STK39: variants seen among roughly 807,000 people sequenced by gnomAD.
STK39 encodes serine/threonine kinase 39, also known as STE20/SPS1-related proline-alanine-rich protein kinase.
Under a neutral mutation model 77.8 loss-of-function variants are expected in STK39, and 20 were observed. The ratio of observed to expected loss-of-function variants is 0.26; its 90% CI spans 0.18 to 0.37. STK39 has a LOEUF of 0.37. Ranked by LOEUF, STK39 falls within the 10% of genes least tolerant of loss-of-function variation. STK39 has a pLI of 1.00. For synonymous variants in STK39, 246 were observed against 234.1 expected, an observed-to-expected ratio of 1.05 and a Z score of -0.47; for missense variants, 479 against 656.5, an observed-to-expected ratio of 0.73 and a Z score of 2.95.
intron 1 of STK39, among the ~76,000 whole-genome samples, chr2:168,223,510 C>CA (rs60067513): frequency 0.24 from 24,165 of 101,996 alleles, 2,695 homozygotes; most frequent in Non-Finnish European, 0.31. Context: ...GACTCCGTCT[C>CA]AAAAAAAAAA....
chr2:168,238,081 T>C (rs934463556), intron 1 of STK39, among the ~76,000 whole-genome samples: 2 of 152,104 alleles, frequency 1.3e-5, no homozygotes, highest in African/African-American at 4.8e-5. Flanking sequence ...GAGTAGGAAA[T>C]AAAGCAGTTG....
At chr2:168,221,918 A>G (rs1690181327) in intron 1 of STK39, among the ~76,000 whole-genome samples, 1 of 152,106 alleles carries the variant, frequency 6.6e-6, no homozygotes, top group South Asian at 2.1e-4. Flanking sequence ...GGTCTTTCTA[A>G]AGAATAGACT....
chr2:168,120,489 T>C (rs2105488002), intron 10 of STK39, among the ~76,000 whole-genome samples: 1 of 152,354 alleles, frequency 6.6e-6, no homozygotes, highest in Admixed American at 6.5e-5. Flanking sequence ...GCTATGTCCT[T>C]GTATCATGTG....
At chr2:168,141,757 C>T (rs3769406) in intron 5 of STK39, among the ~76,000 whole-genome samples, 52,438 of 152,072 alleles carry the variant, frequency 0.34, 9,595 homozygotes, top group Non-Finnish European at 0.41. Flanking sequence ...CGCTCTCATA[C>T]GCTTTTCCTT....
At chr2:168,164,785 C>T (rs1688657975) in intron 3 of STK39, among the ~76,000 whole-genome samples, 1 of 152,186 alleles carries the variant, frequency 6.6e-6, no homozygotes, top group Admixed American at 6.6e-5. Flanking sequence ...TACTTTGTTA[C>T]CATATACAGA....
intron 14 of STK39, among the ~76,000 whole-genome samples, chr2:168,023,807 G>A (rs1374710863): frequency 2.0e-5 from 3 of 152,110 alleles, no homozygotes; most frequent in Admixed American, 2.0e-4. Flanking sequence ...CTATTTCCCC[G>A]AGCTTTGAGG....
chr2:168,034,063 C>A (rs1684892272), intron 14 of STK39, among the ~76,000 whole-genome samples: 1 of 152,322 alleles, frequency 6.6e-6, no homozygotes, highest in African/African-American at 2.4e-5. Flanking sequence ...CTATCCTAAA[C>A]AAGAGTGTAG....
chr2:168,034,928 A>T (rs1684913945), intron 14 of STK39, among the ~76,000 whole-genome samples: 2 of 152,128 alleles, frequency 1.3e-5, no homozygotes, highest in African/African-American at 4.8e-5. Flanking sequence ...AGCAATAGTG[A>T]CCTCCTTCAG....
At chr2:167,973,842 T>C (rs1364107882) in intron 16 of STK39, among the ~76,000 whole-genome samples, 4 of 152,186 alleles carry the variant, frequency 2.6e-5, no homozygotes, top group East Asian at 1.9e-4. Flanking sequence ...TGTGAATATA[T>C]TGACTAAATT....
At chr2:168,241,355 T>C (rs1690753377) in intron 1 of STK39, among the ~76,000 whole-genome samples, 2 of 152,098 alleles carry the variant, frequency 1.3e-5, no homozygotes, top group Non-Finnish European at 2.9e-5. Flanking sequence ...AACTCAGAGG[T>C]GGAGGAAAAG....
chr2:167,962,125 C>T (rs1421587716), intron 17 of STK39, among the ~76,000 whole-genome samples: 2 of 152,074 alleles, frequency 1.3e-5, no homozygotes, highest in African/African-American at 4.8e-5. Flanking sequence ...AATTTTCAGG[C>T]CCCTGACGTT....
intron 1 of STK39, among the ~76,000 whole-genome samples, chr2:168,242,560 A>T (rs4300797): frequency 2.1e-3 from 92 of 44,770 alleles, no homozygotes; most frequent in South Asian, 5.1e-3. Flanking sequence ...AAAAAAAAAA[A>T]ATATATATAT....
At chr2:168,032,760 G>A (rs17780260) in intron 14 of STK39, among the ~76,000 whole-genome samples, 47,965 of 152,038 alleles carry the variant, frequency 0.32, 8,604 homozygotes, top group Non-Finnish European at 0.4. Flanking sequence ...GTGCCCCTGC[G>A]ACTGGAGAGA....
chr2:168,205,040 T>C (rs143707594), intron 1 of STK39, among the ~76,000 whole-genome samples: 1 of 152,292 alleles, frequency 6.6e-6, no homozygotes, highest in Non-Finnish European at 1.5e-5. Flanking sequence ...GATGGATCAA[T>C]GGATGAATAG....
At chr2:167,971,915 G>T (rs950389094) in intron 16 of STK39, among the ~76,000 whole-genome samples, 2 of 152,238 alleles carry the variant, frequency 1.3e-5, no homozygotes, top group African/African-American at 4.8e-5. Flanking sequence ...TCAATGCTGA[G>T]TGGCTGATGT....
At chr2:168,107,890 C>T (rs766844634) in intron 10 of STK39, among the ~76,000 whole-genome samples, 5 of 152,184 alleles carry the variant, frequency 3.3e-5, no homozygotes, top group Non-Finnish European at 5.9e-5. Context: ...TCACTTTATA[C>T]GGACACCTGC....
intron 5 of STK39, among the ~76,000 whole-genome samples, chr2:168,141,407 C>CA (rs1436665478): frequency 6.6e-6 from 1 of 152,102 alleles, no homozygotes; most frequent in Non-Finnish European, 1.5e-5. Flanking sequence ...ACCTCACATT[C>CA]AAAAAGTTTC....
chr2:168,177,556 T>A (rs2105620195), intron 2 of STK39, among the ~76,000 whole-genome samples: 1 of 151,974 alleles, frequency 6.6e-6, no homozygotes, highest in Non-Finnish European at 1.5e-5. Context: ...AAAAGTGGGG[T>A]TAGGGTAAAT....
intron 3 of STK39, among the ~76,000 whole-genome samples, chr2:168,167,021 C>A (rs187421928): frequency 6.6e-6 from 1 of 152,184 alleles, no homozygotes; most frequent in Non-Finnish European, 1.5e-5. Context: ...GGCATGAGAG[C>A]ACATAATACA....
Sources: gnomAD v4.1 joint callset for allele counts (sites outside exome capture counted in the v4.1 genomes callset) on GRCh38, gnomAD v4.1.1 for gene constraint, MANE v1.5 for transcripts, NCBI Gene and HGNC (gene_info 2026-07-23, HGNC 2026-07-21) for gene names.